The following GRIA4 variants were observed in gnomAD, a reference collection of about 807,000 sequenced individuals.
GRIA4 encodes glutamate receptor 4.
A neutral mutation model predicts 104.0 loss-of-function variants in GRIA4; 34 were observed. The observed-to-expected ratio is 0.33, with a 90% CI of 0.25 to 0.44. GRIA4 has a LOEUF of 0.44. Among genes scored for constraint, GRIA4 ranks in the 20% least tolerant of loss-of-function variants. The pLI is 1.00. For synonymous variants in GRIA4, 386 were observed against 381.9 expected, an observed-to-expected ratio of 1.01 and a Z score of -0.13; for missense variants, 750 against 1,096.5, an observed-to-expected ratio of 0.68 and a Z score of 4.46.
chr11:105,943,880 C>A (rs187216219), intron 14 of GRIA4, among the ~76,000 whole-genome samples: 2,224 of 148,176 alleles, frequency 0.015, 51 homozygotes, highest in African/African-American at 0.041. Context: ...CTCTCTCTCT[C>A]TATATATATA....
At chr11:105,649,181 G>A (rs1951617474) in intron 3 of GRIA4, among the ~76,000 whole-genome samples, 1 of 151,946 alleles carries the variant, frequency 6.6e-6, no homozygotes, top group Non-Finnish European at 1.5e-5. Flanking sequence ...AAAACCATAA[G>A]ATATCTTAGG....
At chr11:105,955,201 G>A (rs930316872) in intron 14 of GRIA4, among the ~76,000 whole-genome samples, 4 of 151,764 alleles carry the variant, frequency 2.6e-5, no homozygotes, top group African/African-American at 7.3e-5. Flanking sequence ...GTGCAGATTT[G>A]TTACAAAGGT....
At chr11:105,929,898 T>C (rs912892166) in intron 13 of GRIA4, among the ~76,000 whole-genome samples, 1 of 152,154 alleles carries the variant, frequency 6.6e-6, no homozygotes, top group South Asian at 2.1e-4. Flanking sequence ...AACAGTGTTT[T>C]AGATCAGATA....
At chr11:105,866,551 G>GTGTGTGTATATA (rs1299256765) in intron 5 of GRIA4, among the ~76,000 whole-genome samples, 1 of 76,750 alleles carries the variant, frequency 1.3e-5, no homozygotes, top group Non-Finnish European at 2.3e-5. Flanking sequence ...GTGTGTGTGT[G>GTGTGTGTATATA]TATATATATA....
intron 3 of GRIA4, among the ~76,000 whole-genome samples, chr11:105,685,900 A>T (rs991167367): frequency 7.9e-5 from 12 of 152,154 alleles, no homozygotes; most frequent in African/African-American, 2.9e-4. Context: ...CAATAAGAAA[A>T]CAATAAACAT....
chr11:105,865,498 AT>A (rs1945373788), intron 5 of GRIA4, among the ~76,000 whole-genome samples: 1 of 152,206 alleles, frequency 6.6e-6, no homozygotes, highest in African/African-American at 2.4e-5. Flanking sequence ...TATAAATATC[AT>A]TGTGGACCCT....
intron 4 of GRIA4, among the ~76,000 whole-genome samples, chr11:105,841,188 C>T (rs1944378863): frequency 6.6e-6 from 1 of 151,684 alleles, no homozygotes; most frequent in African/African-American, 2.4e-5. Flanking sequence ...CATAAGTCAA[C>T]ATTCAAACAC....
At chr11:105,864,732 T>C (rs1945345425) in intron 5 of GRIA4, among the ~76,000 whole-genome samples, 1 of 152,036 alleles carries the variant, frequency 6.6e-6, no homozygotes, top group Admixed American at 6.6e-5. Context: ...TAGCCGGGTG[T>C]GGTGGCACAT....
chr11:105,680,228 G>C (rs1484905736), intron 3 of GRIA4, among the ~76,000 whole-genome samples: 1 of 152,110 alleles, frequency 6.6e-6, no homozygotes, highest in East Asian at 1.9e-4. Context: ...ACAGGGACAG[G>C]ATACAAACAT....
chr11:105,821,087 T>C (rs925196269), intron 4 of GRIA4, among the ~76,000 whole-genome samples: 4 of 152,144 alleles, frequency 2.6e-5, no homozygotes, highest in Non-Finnish European at 4.4e-5. Context: ...TTTCACTGAA[T>C]GTTTAGACAT....
chr11:105,826,693 C>G (rs964045722), intron 4 of GRIA4, among the ~76,000 whole-genome samples: 1 of 152,036 alleles, frequency 6.6e-6, no homozygotes, highest in African/African-American at 2.4e-5. Flanking sequence ...GCCTTTCTCA[C>G]TCAGCGAGGG....
chr11:105,827,453 A>T (rs1240621801), intron 4 of GRIA4, among the ~76,000 whole-genome samples: 1 of 152,014 alleles, frequency 6.6e-6, no homozygotes, highest in Admixed American at 6.6e-5. Flanking sequence ...ATTTCAAAAA[A>T]TTTTCTCATG....
intron 3 of GRIA4, among the ~76,000 whole-genome samples, chr11:105,733,096 CTCTT>C (rs1172717531): frequency 6.6e-6 from 1 of 152,134 alleles, no homozygotes; most frequent in Non-Finnish European, 1.5e-5. Flanking sequence ...TATACAAACT[CTCTT>C]TGTCAGATAT....
At chr11:105,946,260 T>C (rs982629445) in intron 14 of GRIA4, among the ~76,000 whole-genome samples, 3 of 152,130 alleles carry the variant, frequency 2.0e-5, no homozygotes, top group Non-Finnish European at 2.9e-5. Context: ...GGTCTTTCCA[T>C]AGAGGAAAAC....
chr11:105,772,249 T>C (rs1169816998), intron 4 of GRIA4, among the ~76,000 whole-genome samples: 1 of 152,140 alleles, frequency 6.6e-6, no homozygotes, highest in African/African-American at 2.4e-5. Context: ...AACGCCAACG[T>C]ACCCGTGCCA....
chr11:105,665,016 G>T (rs775255603), intron 3 of GRIA4, among the ~76,000 whole-genome samples: 12 of 151,966 alleles, frequency 7.9e-5, no homozygotes, highest in African/African-American at 2.7e-4. Context: ...ATATTTGGGA[G>T]ATAATTCTAA....
intron 14 of GRIA4, among the ~76,000 whole-genome samples, chr11:105,938,320 A>G (rs755427450): frequency 9.9e-5 from 15 of 152,198 alleles, no homozygotes; most frequent in African/African-American, 1.4e-4. Flanking sequence ...TTTGCTGGAT[A>G]TTTTGTGTGA....
intron 3 of GRIA4, among the ~76,000 whole-genome samples, chr11:105,678,087 A>C (rs1952597724): frequency 6.6e-6 from 1 of 152,024 alleles, no homozygotes; most frequent in Non-Finnish European, 1.5e-5. Context: ...TAATCAACCT[A>C]TTTTTATTTA....
chr11:105,898,160 C>CT, intron 6 of GRIA4, 109 bp from the exon 7 acceptor site: 1 of 478,494 alleles, frequency 2.1e-6, no homozygotes. Flanking sequence ...TTAGCCATTG[C>CT]TTTATTAAAA....
Sources: gnomAD v4.1 joint callset for allele counts (sites outside exome capture counted in the v4.1 genomes callset) on GRCh38, gnomAD v4.1.1 for gene constraint, MANE v1.5 for transcripts, NCBI Gene and HGNC (gene_info 2026-07-23, HGNC 2026-07-21) for gene names.